EGFR: variants seen among roughly 807,000 people sequenced by gnomAD.
EGFR encodes epidermal growth factor receptor.
A neutral mutation model predicts 143.0 loss-of-function variants in EGFR; 58 were observed. The observed-to-expected ratio is 0.41, with a 90% CI of 0.33 to 0.50. The LOEUF (loss-of-function observed/expected upper bound fraction) is 0.50, where lower values mean the gene tolerates loss of function less well. EGFR is among the 20% of genes least tolerant of loss of function. The pLI, the probability that EGFR is intolerant of heterozygous loss-of-function variation, is 0.39. For synonymous variants in EGFR, 613 were observed against 594.4 expected (o/e 1.03, Z -0.45); for missense variants, 1,307 against 1,579.0 (o/e 0.83, Z 2.92).
At chr7:55,068,333 A>T (rs1057270679) in intron 1 of EGFR, among the ~76,000 whole-genome samples, 2 of 152,238 alleles carry the variant, frequency 1.3e-5, no homozygotes, top group African/African-American at 4.8e-5. Context: ...GAATACAAAG[A>T]GGAGATTTTA....
At chr7:55,112,633 G>T (rs896566471) in intron 1 of EGFR, among the ~76,000 whole-genome samples, 4 of 152,210 alleles carry the variant, frequency 2.6e-5, no homozygotes, top group Admixed American at 6.5e-5. Context: ...AAGCGAGGAA[G>T]GGTCTTCCTG....
intron 1 of EGFR, among the ~76,000 whole-genome samples, chr7:55,091,218 G>A (rs1353433395): frequency 6.6e-6 from 1 of 152,198 alleles, no homozygotes; most frequent in Admixed American, 6.5e-5. Flanking sequence ...TTTGCAAAAT[G>A]GGCCTTTTGA....
intron 1 of EGFR, among the ~76,000 whole-genome samples, chr7:55,116,825 A>G (rs1323709005): frequency 2.6e-5 from 4 of 152,244 alleles, no homozygotes; most frequent in African/African-American, 9.6e-5. Flanking sequence ...GCTGTGCTGC[A>G]AAATTGTATT....
intron 1 of EGFR, among the ~76,000 whole-genome samples, chr7:55,094,225 G>C (rs1272999559): frequency 6.6e-6 from 1 of 152,178 alleles, no homozygotes; most frequent in Non-Finnish European, 1.5e-5. Flanking sequence ...AAATGAATTG[G>C]CTTCACCCAG....
chr7:55,024,367 C>T (rs1423288289), intron 1 of EGFR, among the ~76,000 whole-genome samples: 2 of 152,210 alleles, frequency 1.3e-5, no homozygotes, highest in African/African-American at 4.8e-5. Context: ...GAAACACTAA[C>T]ATGGGGGAGT....
At chr7:55,183,940 G>T (rs1449585169) in intron 20 of EGFR, among the ~76,000 whole-genome samples, 1 of 152,216 alleles carries the variant, frequency 6.6e-6, no homozygotes, top group Non-Finnish European at 1.5e-5. Flanking sequence ...ATGGTGGAGA[G>T]GTGGTCGGGC....
intron 1 of EGFR, among the ~76,000 whole-genome samples, chr7:55,027,050 T>G (rs1250644986): frequency 1.3e-5 from 2 of 152,136 alleles, no homozygotes; most frequent in Non-Finnish European, 2.9e-5. Context: ...TTCTGACTGA[T>G]GCATGCCAGA....
intron 1 of EGFR, among the ~76,000 whole-genome samples, chr7:55,048,259 C>T (rs761210828): frequency 1.4e-4 from 22 of 152,148 alleles, no homozygotes; most frequent in Non-Finnish European, 5.9e-5. Context: ...GAGGCATCTG[C>T]ATGGGTGACA....
chr7:55,048,721 T>C (rs746816290), intron 1 of EGFR, among the ~76,000 whole-genome samples: 21 of 152,226 alleles, frequency 1.4e-4, no homozygotes, highest in Admixed American at 3.9e-4. Flanking sequence ...GAGAGAGTGC[T>C]GGCAGCTTAG....
chr7:55,190,235 A>C (rs1325081765), intron 20 of EGFR, among the ~76,000 whole-genome samples: 1 of 152,144 alleles, frequency 6.6e-6, no homozygotes, highest in African/African-American at 2.4e-5. Flanking sequence ...GCAGGGAAGC[A>C]CTAACGTCCA....
At chr7:55,093,823 C>A (rs546456852) in intron 1 of EGFR, among the ~76,000 whole-genome samples, 6 of 152,270 alleles carry the variant, frequency 3.9e-5, no homozygotes, top group African/African-American at 1.2e-4. Context: ...TTCTCTCGGG[C>A]AGTGTGGCTG....
At chr7:55,033,489 T>G (rs1015371707) in intron 1 of EGFR, among the ~76,000 whole-genome samples, 3 of 152,200 alleles carry the variant, frequency 2.0e-5, no homozygotes, top group Non-Finnish European at 4.4e-5. Context: ...TTTCCTCATC[T>G]GCAGAATGAG....
Position 55,022,019 on chromosome 7 carries a change from A to G in EGFR, c.88+2654A>G, listed in dbSNP as rs892623565. On this transcript the variant is annotated intron_variant, in intron 1 of 27. Transcript: ENST00000275493. ...GCAAATGTCTAATGTCAGAGCTGGCAAGGGGAAAGGGCCCAGGGAGCCGGC... is the reference window on the plus strand; with the variant it reads ...GCAAATGTCTAATGTCAGAGCTGGCGAGGGGAAAGGGCCCAGGGAGCCGGC... Among the ~76,000 whole-genome samples the G allele has an allele frequency of 5.3e-5, 8 of 152,312 alleles. No individual in the cohort carries two copies. In the South Asian group the frequency reaches 1.5e-3, roughly 28 times the overall value.
chr7:55,126,807 T>C (rs752255555), intron 1 of EGFR, among the ~76,000 whole-genome samples: 7 of 152,244 alleles, frequency 4.6e-5, no homozygotes, highest in Non-Finnish European at 7.3e-5. Context: ...TAAAGTATTT[T>C]ATAAATGTTA....
At chr7:55,086,805 T>C (rs1790789870) in intron 1 of EGFR, among the ~76,000 whole-genome samples, 2 of 152,238 alleles carry the variant, frequency 1.3e-5, no homozygotes, top group Non-Finnish European at 2.9e-5. Flanking sequence ...ACAGACTTTC[T>C]TCCTCTTCTT....
chr7:55,038,650 T>G (rs975905333), intron 1 of EGFR, among the ~76,000 whole-genome samples: 13 of 152,248 alleles, frequency 8.5e-5, no homozygotes, highest in African/African-American at 2.9e-4. Flanking sequence ...AATTTTTGTT[T>G]ATTCACATTG....
chr7:55,143,703 T>A (rs1048704105), intron 3 of EGFR, among the ~76,000 whole-genome samples: 5 of 152,168 alleles, frequency 3.3e-5, no homozygotes, highest in Non-Finnish European at 5.9e-5. Context: ...GGGGTACCAG[T>A]GTTTACATGG....
rs1030033309 is a variant in EGFR at position 55,205,709 on chromosome 7, G to C, written c.*92G>C. On this transcript the variant is annotated 3_prime_UTR_variant, in exon 28 of 28. Transcript: ENST00000275493. ...GTCCTCCATCCCAACAGCCATGCCC[G>C]CATTAGCTCTTAGACCCACAGACTG... The C allele has an allele frequency of 1.3e-6, 2 of 1,599,716 alleles. No homozygotes were observed. The highest frequency in any genetic ancestry group is 1.7e-6 in the Non-Finnish European group (2 of 1,170,412).
intron 1 of EGFR, among the ~76,000 whole-genome samples, chr7:55,066,128 C>G (rs1005165767): frequency 2.0e-5 from 3 of 152,126 alleles, no homozygotes; most frequent in Admixed American, 1.3e-4. Context: ...GACAGCCGCA[C>G]TCCCCTCTTG....
Sources: allele counts gnomAD v4.1 joint callset (sites outside exome capture counted in the v4.1 genomes callset), GRCh38; gene constraint gnomAD v4.1.1; transcripts MANE v1.5; gene names NCBI Gene and HGNC (gene_info 2026-07-23, HGNC 2026-07-21).